Variants in FAP observed in about 807,000 individuals in gnomAD.
FAP encodes the protein fibroblast activation protein alpha, also known as prolyl endopeptidase FAP.
Under a neutral mutation model 126.5 loss-of-function variants are expected in FAP, and 110 were observed. The ratio of observed to expected loss-of-function variants is 0.87; its 90% CI spans 0.74 to 1.02. The LOEUF (loss-of-function observed/expected upper bound fraction) is 1.02, where lower values mean the gene tolerates loss of function less well. Among genes scored for constraint, FAP ranks in the 50% least tolerant of loss-of-function variants. The probability of loss-of-function intolerance (pLI) is 0.00; values close to 1 mark genes in which losing one functional copy is unlikely to be tolerated. For missense variants in FAP, 919 were observed against 909.2 expected (o/e 1.01, Z -0.14); for synonymous variants, 334 against 297.3 (o/e 1.12, Z -1.27).
intron 2 of FAP, among the ~76,000 whole-genome samples, chr2:162,237,787 T>C (rs1690197912): frequency 6.6e-6 from 1 of 152,198 alleles, no homozygotes; most frequent in Non-Finnish European, 1.5e-5. Flanking sequence ...GATTCCACAA[T>C]GGTTGAACTA....
At chr2:162,186,657 G>T (rs1004046434) in intron 20 of FAP, among the ~76,000 whole-genome samples, 1 of 151,980 alleles carries the variant, frequency 6.6e-6, no homozygotes, top group Non-Finnish European at 1.5e-5. Context: ...CTTTGGAAAA[G>T]ATCTAAATAA....
In FAP at chr2:162,214,006, C is replaced by A. The variant is rs1187785781; in HGVS notation, c.934G>T (p.Val312Phe). The change falls in exon 11 of 26, where the codon GTC becomes TTC. Residue 312 changes from valine (V) to phenylalanine (F), a missense_variant. Coordinates refer to ENST00000188790, the MANE Select transcript of FAP (RefSeq NM_004460.5). Reference sequence around the variant, plus strand: ...ATAGACAGGACCGAAACATTCTGGACTCTTTTTAGCCACTGCAAACATACT... The same window carrying A: ...ATAGACAGGACCGAAACATTCTGGAATCTTTTTAGCCACTGCAAACATACT... ...ERVCLQWLKR[V>F]QNVSVLSICD... 6.2e-7 allele frequency: 1 copy of A among 1,613,986 alleles called. No homozygotes were observed. The highest frequency in any genetic ancestry group is 8.5e-7 in the Non-Finnish European group (1 of 1,179,998).
chr2:162,171,040 G>C lies in FAP; in HGVS notation c.2222C>G (p.Thr741Arg). Residue 741 changes from threonine to arginine, a missense_variant, in exon 26 of 26, where the codon ACG (threonine) becomes AGG (arginine). By Grantham distance (71) the Thr-to-Arg change is moderately conservative (BLOSUM62 -1). Transcript: ENST00000188790. The part of the protein sequence containing the change: ...DQNHGLSGLS[T>R]NHLYTHMTHF... ...GGTCATGTGGGTGTATAAGTGGTTC[G>C]TGGACAGGCCGGATAAGCCGTGGTT... 2 of 1,613,232 alleles carry C rather than the reference G, an allele frequency of 1.2e-6. No homozygotes were observed. The highest frequency in any genetic ancestry group is 1.7e-6 in the Non-Finnish European group (2 of 1,179,364).
At chr2:162,200,897 T>G (rs930365183) in intron 14 of FAP, among the ~76,000 whole-genome samples, 2 of 152,192 alleles carry the variant, frequency 1.3e-5, no homozygotes, top group Admixed American at 6.5e-5. Context: ...GGAAATTTTA[T>G]TAATATCATA....
rs1339824681 is a variant in FAP at position 162,194,688 on chromosome 2, C to T, written c.1450+13G>A. 5 of 1,612,242 alleles carry T rather than the reference C, an allele frequency of 3.1e-6. No homozygotes were observed. The highest frequency in any genetic ancestry group is 3.4e-6 in the Non-Finnish European group (4 of 1,178,614). ...TACTTGAGACAAGATAGATAACATG[C>T]AAGAGAGAGTACCTTGATCAGTGCG... On this transcript the variant is annotated intron_variant, in intron 17 of 25. Transcript: ENST00000188790.
At chr2:162,233,551 T>C (rs971418713) in intron 2 of FAP, among the ~76,000 whole-genome samples, 4 of 152,174 alleles carry the variant, frequency 2.6e-5, no homozygotes, top group Non-Finnish European at 5.9e-5. Context: ...CCTTTGTCCA[T>C]TTTTTAATGG....
chr2:162,208,893 A>C (rs1576169977), intron 12 of FAP, among the ~76,000 whole-genome samples: 1 of 147,900 alleles, frequency 6.8e-6, no homozygotes, highest in East Asian at 2.0e-4. Context: ...ATTTACATTT[A>C]TTGTATATAA....
intron 9 of FAP, among the ~76,000 whole-genome samples, chr2:162,216,523 G>A (rs929811689): frequency 6.6e-6 from 1 of 152,084 alleles, no homozygotes; most frequent in Non-Finnish European, 1.5e-5. Context: ...TCTCCAAAAG[G>A]TTAGGGAAAT....
intron 8 of FAP, 130 bp from the exon 9 acceptor site, chr2:162,218,270 G>GTCA: frequency 1.7e-6 from 1 of 595,544 alleles, no homozygotes; most frequent in East Asian, 3.3e-5. Flanking sequence ...GTCATACTTT[G>GTCA]GTTATTAAAA....
chr2:162,214,169 A>G, intron 10 of FAP, 96 bp from the exon 11 acceptor site: 1 of 1,094,232 alleles, frequency 9.1e-7, no homozygotes. Context: ...ATATGTCATT[A>G]TTATACATTA....
intron 8 of FAP, 51 bp downstream of exon 8, chr2:162,219,012 T>G: frequency 4.2e-6 from 6 of 1,428,704 alleles, no homozygotes; most frequent in Non-Finnish European, 5.6e-6. Flanking sequence ...TATGAAATTA[T>G]TTTAAATTAA....
chr2:162,193,802 C>A (rs1235794001), intron 17 of FAP: 1 of 151,998 alleles, frequency 6.6e-6, no homozygotes, highest in Non-Finnish European at 1.5e-5. Context: ...TTCACCTACA[C>A]TTGAGCCATT....
chr2:162,217,921 A>G (rs1689216189), intron 9 of FAP, 65 bp downstream of exon 9: 1 of 1,312,358 alleles, frequency 7.6e-7, no homozygotes, highest in Non-Finnish European at 1.0e-6. Flanking sequence ...ACCTTTACTC[A>G]TGGTAAATCA....
At chr2:162,235,113 T>C (rs1287073198) in intron 2 of FAP, among the ~76,000 whole-genome samples, 2 of 151,614 alleles carry the variant, frequency 1.3e-5, no homozygotes, top group Non-Finnish European at 2.9e-5. Flanking sequence ...CAACCATGCC[T>C]GAGTCTCTCC....
intron 10 of FAP, among the ~76,000 whole-genome samples, chr2:162,215,395 T>C (rs1689123215): frequency 6.6e-6 from 1 of 152,224 alleles, no homozygotes; most frequent in Admixed American, 6.5e-5. Context: ...TAGGGCATCA[T>C]GCTGGGGAAG....
chr2:162,180,943 A>G (rs574215611), intron 21 of FAP, among the ~76,000 whole-genome samples: 9 of 152,116 alleles, frequency 5.9e-5, no homozygotes, highest in Non-Finnish European at 1.0e-4. Flanking sequence ...AATGAGGGTC[A>G]AGGCGAGATC....
intron 12 of FAP, among the ~76,000 whole-genome samples, chr2:162,205,354 G>A (rs1031424122): frequency 6.6e-6 from 1 of 152,022 alleles, no homozygotes; most frequent in Non-Finnish European, 1.5e-5. Flanking sequence ...TAACCAAGAG[G>A]CCCAGGAATA....
intron 4 of FAP, among the ~76,000 whole-genome samples, chr2:162,225,169 A>G (rs1689584239): frequency 6.6e-6 from 1 of 152,154 alleles, no homozygotes. Flanking sequence ...GAAACCCCTT[A>G]CCTAACCTTT....
chr2:162,218,806 A>G (rs2106275127), intron 8 of FAP, among the ~76,000 whole-genome samples: 1 of 152,144 alleles, frequency 6.6e-6, no homozygotes, highest in Middle Eastern at 3.4e-3. Context: ...GCACCTGAGG[A>G]CCATATACTT....
Sources: gnomAD v4.1 joint callset for allele counts (sites outside exome capture counted in the v4.1 genomes callset) on GRCh38, gnomAD v4.1.1 for gene constraint, MANE v1.5 for transcripts, NCBI Gene and HGNC (gene_info 2026-07-23, HGNC 2026-07-21) for gene names.